Variants in DTNA observed in about 807,000 individuals in gnomAD.
The protein encoded by DTNA is dystrophin-related protein 3.
Under a neutral mutation model 100.7 loss-of-function variants are expected in DTNA, and 43 were observed. The observed-to-expected ratio is 0.43, with a 90% CI of 0.33 to 0.55. DTNA has a LOEUF of 0.55. Ranked by LOEUF, DTNA falls within the 20% of genes least tolerant of loss-of-function variation. The pLI is 0.04. For synonymous variants in DTNA, 349 were observed against 347.9 expected (o/e 1.00, Z -0.04); for missense variants, 798 against 953.9 (o/e 0.84, Z 2.15).
intron 19 of DTNA, 58 bp from the exon 20 acceptor site, chr18:34,879,493 T>G: frequency 6.3e-7 from 1 of 1,577,434 alleles, no homozygotes; most frequent in Non-Finnish European, 8.7e-7. Flanking sequence ...CTCCTTTATT[T>G]GCAGGTCATA....
intron 1 of DTNA, among the ~76,000 whole-genome samples, chr18:34,689,291 G>A (rs1157850720): frequency 6.6e-6 from 1 of 151,962 alleles, no homozygotes; most frequent in African/African-American, 2.4e-5. Context: ...ATCTATTTTT[G>A]GTCTTTGTTG....
intron 1 of DTNA, among the ~76,000 whole-genome samples, chr18:34,650,317 T>C (rs530456251): frequency 2.6e-5 from 4 of 152,078 alleles, no homozygotes; most frequent in Non-Finnish European, 5.9e-5. Flanking sequence ...TCAGATGAAC[T>C]CTTCATTTTA....
At chr18:34,848,502 T>C (rs1263453843) in intron 14 of DTNA, 119 bp downstream of exon 14, 1 of 1,100,858 alleles carries the variant, frequency 9.1e-7, no homozygotes, top group Non-Finnish European at 1.3e-6. Context: ...GCTAATTTAT[T>C]GTGCATGTGT....
chr18:34,514,792 G>A (rs1048138445), intron 1 of DTNA, among the ~76,000 whole-genome samples: 1 of 151,906 alleles, frequency 6.6e-6, no homozygotes, highest in African/African-American at 2.4e-5. Flanking sequence ...TTTCATAAGG[G>A]AATTAATACC....
chr18:34,678,609 G>T (rs1008024902), intron 1 of DTNA, among the ~76,000 whole-genome samples: 1 of 152,148 alleles, frequency 6.6e-6, no homozygotes, highest in African/African-American at 2.4e-5. Flanking sequence ...GTAACACGCA[G>T]CCTGTGTGTT....
intron 3 of DTNA, among the ~76,000 whole-genome samples, chr18:34,791,923 C>G (rs1305484542): frequency 6.6e-6 from 1 of 152,216 alleles, no homozygotes; most frequent in Non-Finnish European, 1.5e-5. Context: ...AGGTCATGCA[C>G]TTGTCGTAGA....
Position 34,768,043 on chromosome 18 carries a change from C to T in DTNA, c.148+2002C>T, listed in dbSNP as rs560217675. Among the ~76,000 whole-genome samples, 5 of 152,258 alleles carry T rather than the reference C, an allele frequency of 3.3e-5. No individual in the cohort carries two copies. In the East Asian group the frequency reaches 9.7e-4, roughly 30 times the overall value. On this transcript the variant is annotated intron_variant, in intron 3 of 22. Coordinates refer to ENST00000444659, the MANE Select transcript of DTNA (RefSeq NM_001386795.1). ...GAAAATGTTCCCACAGAAGAAGTTT[C>T]CTCTTCCCCTTCAAACACATCACCC...
chr18:34,575,546 C>CT (rs34031132), intron 1 of DTNA, among the ~76,000 whole-genome samples: 13,981 of 152,128 alleles, frequency 0.092, 644 homozygotes, highest in South Asian at 0.11. Flanking sequence ...TTTCAACCTC[C>CT]TTTTTTTCTA....
chr18:34,724,638 G>A (rs1034696664), intron 1 of DTNA, among the ~76,000 whole-genome samples: 1 of 152,132 alleles, frequency 6.6e-6, no homozygotes, highest in Admixed American at 6.5e-5. Flanking sequence ...AGCTCTTGGT[G>A]TGAATTGATA....
intron 13 of DTNA, among the ~76,000 whole-genome samples, 164 bp from the exon 14 acceptor site, chr18:34,848,132 A>G (rs1221642587): frequency 1.3e-5 from 2 of 152,262 alleles, no homozygotes; most frequent in African/African-American, 2.4e-5. Flanking sequence ...ATATTAGATC[A>G]TGTTACAAAT....
intron 1 of DTNA, among the ~76,000 whole-genome samples, chr18:34,725,006 T>G (rs924631171): frequency 6.6e-6 from 1 of 152,206 alleles, no homozygotes; most frequent in Non-Finnish European, 1.5e-5. Flanking sequence ...AAGGATTCCC[T>G]ATTTAATAAA....
chr18:34,700,877 C>G (rs1432064287), intron 1 of DTNA, among the ~76,000 whole-genome samples: 1 of 152,212 alleles, frequency 6.6e-6, no homozygotes, highest in African/African-American at 2.4e-5. Context: ...GATAGACTCC[C>G]TCTTCCTTAG....
At chr18:34,867,714 A>C (rs886053778) in intron 17 of DTNA, 71 of 985,720 alleles carry the variant, frequency 7.2e-5, no homozygotes, top group Non-Finnish European at 8.3e-5. Context: ...AGGCAGCAGG[A>C]TCTTGAAAGG....
intron 1 of DTNA, among the ~76,000 whole-genome samples, chr18:34,740,507 A>G (rs1024285167): frequency 2.0e-5 from 3 of 152,202 alleles, no homozygotes; most frequent in Non-Finnish European, 4.4e-5. Flanking sequence ...AGATCTGCAG[A>G]GTGGACACAT....
At chr18:34,658,884 T>C (rs915628588) in intron 1 of DTNA, among the ~76,000 whole-genome samples, 4 of 152,162 alleles carry the variant, frequency 2.6e-5, no homozygotes, top group Non-Finnish European at 5.9e-5. Flanking sequence ...CAGAATTAAA[T>C]AAATATGGCT....
At chr18:34,559,714 C>T (rs2146197174) in intron 1 of DTNA, among the ~76,000 whole-genome samples, 1 of 152,302 alleles carries the variant, frequency 6.6e-6, no homozygotes, top group South Asian at 2.1e-4. Context: ...ACTGTAGTTC[C>T]TCCTGAAATC....
chr18:34,629,275 G>T (rs886791224), intron 1 of DTNA, among the ~76,000 whole-genome samples: 5 of 152,032 alleles, frequency 3.3e-5, no homozygotes, highest in Non-Finnish European at 1.5e-5. Flanking sequence ...TTGTAAATTG[G>T]CTTAAAAGGT....
intron 3 of DTNA, among the ~76,000 whole-genome samples, chr18:34,771,423 C>T (rs552218857): frequency 4.6e-5 from 7 of 152,014 alleles, no homozygotes; most frequent in Admixed American, 3.3e-4. Flanking sequence ...GGCATGAACC[C>T]GGGGAGGTGG....
At chr18:34,834,672 A>G (rs1260434202) in intron 11 of DTNA, among the ~76,000 whole-genome samples, 2 of 152,148 alleles carry the variant, frequency 1.3e-5, no homozygotes, top group African/African-American at 4.8e-5. Flanking sequence ...CAAGCCACAG[A>G]CAAGAGGTGC....
Sources: gnomAD v4.1 joint callset for allele counts (sites outside exome capture counted in the v4.1 genomes callset) on GRCh38, gnomAD v4.1.1 for gene constraint, MANE v1.5 for transcripts, NCBI Gene and HGNC (gene_info 2026-07-23, HGNC 2026-07-21) for gene names.